EML4: variants seen among roughly 807,000 people sequenced by gnomAD.
EML4 encodes echinoderm microtubule-associated protein-like 4.
Under a neutral mutation model 129.0 loss-of-function variants are expected in EML4, and 72 were observed. That is an observed-to-expected ratio of 0.56 (90% CI 0.46 to 0.68). The LOEUF (loss-of-function observed/expected upper bound fraction) is 0.68. Ranked by LOEUF, EML4 falls within the 30% of genes least tolerant of loss-of-function variation. The pLI is 0.00. For synonymous variants in EML4, 532 were observed against 405.0 expected (o/e 1.31, Z -3.77); for missense variants, 1,363 against 1,190.6 (o/e 1.14, Z -2.13).
intron 6 of EML4, among the ~76,000 whole-genome samples, chr2:42,272,563 A>G (rs1320433447): frequency 3.9e-4 from 59 of 152,266 alleles, no homozygotes; most frequent in Non-Finnish European, 1.0e-4. Flanking sequence ...GATTACAGAC[A>G]TGAGCCACTG....
At chr2:42,234,877 C>A (rs1049773446) in intron 1 of EML4, among the ~76,000 whole-genome samples, 3 of 152,170 alleles carry the variant, frequency 2.0e-5, no homozygotes, top group African/African-American at 7.2e-5. Context: ...TTATCTAGGC[C>A]GGGCACTGTG....
At position 42,263,230 on chromosome 2, in the gene EML4, G is replaced by C. The variant is rs1665842609; in HGVS notation, c.565G>C (p.Asp189His). 6 of 1,613,236 alleles carry C rather than the reference G, an allele frequency of 3.7e-6. No individual in the cohort carries two copies. The highest frequency in any genetic ancestry group is 2.2e-5 in the East Asian group (1 of 44,776). Residue 189 changes from aspartate (D) to histidine (H), a missense_variant, in exon 5 of 23, where the codon GAT (aspartate) becomes CAT (histidine). Coordinates refer to ENST00000318522, the MANE Select transcript of EML4 (RefSeq NM_019063.5). Reference sequence around the variant, plus strand: ...GTCACATAATTCTTGGGAAAATTCAGATGATAGCCGTAATAAATTGTCGAA... The same window carrying C: ...GTCACATAATTCTTGGGAAAATTCACATGATAGCCGTAATAAATTGTCGAA... ...EKSHNSWENS[D>H]DSRNKLSKIP...
chr2:42,328,599 A>G (rs1669934193), intron 21 of EML4, among the ~76,000 whole-genome samples: 1 of 152,234 alleles, frequency 6.6e-6, no homozygotes, highest in Non-Finnish European at 1.5e-5. Context: ...AGCTGAAAGT[A>G]AAATAAATTA....
intron 1 of EML4, chr2:42,169,845 C>T (rs556433326): frequency 6.4e-6 from 3 of 469,388 alleles, no homozygotes; most frequent in Admixed American, 8.6e-5. Context: ...GTCAGACCCT[C>T]CTTTCCTCCC....
At chr2:42,294,378 C>G (rs1274292128) in intron 11 of EML4, among the ~76,000 whole-genome samples, 1 of 152,198 alleles carries the variant, frequency 6.6e-6, no homozygotes, top group African/African-American at 2.4e-5. Flanking sequence ...AAGGACATAT[C>G]TCTAAATTAG....
At chr2:42,236,084 G>A (rs1441190743) in intron 1 of EML4, among the ~76,000 whole-genome samples, 2 of 152,070 alleles carry the variant, frequency 1.3e-5, no homozygotes, top group Non-Finnish European at 2.9e-5. Flanking sequence ...ACAACCATCA[G>A]AAGTAACTAT....
chr2:42,328,964 C>A lies in EML4; in HGVS notation c.2420C>A (p.Ala807Asp). The part of the protein sequence containing the change: ...RSHNRKVIAV[A>D]DDFCKVHLFQ... ...CACAATAGAAAGGTGATAGCTGTTGCCGATGACTTTTGTAAAGTCCATCTG... is the reference window on the plus strand; with the variant it reads ...CACAATAGAAAGGTGATAGCTGTTGACGATGACTTTTGTAAAGTCCATCTG... The change falls in exon 22 of 23, where the codon GCC becomes GAC. Residue 807 changes from alanine (A) to aspartate (D), a missense_variant. Ala to Asp is a moderately radical substitution (Grantham distance 126). Coordinates refer to ENST00000318522, the MANE Select transcript of EML4 (RefSeq NM_019063.5). 1.2e-6 allele frequency: 2 copies of A among 1,613,396 alleles called. No individual in the cohort carries two copies. Among genetic ancestry groups the A allele is most frequent in the Non-Finnish European group, 1.7e-6 (2 of 1,179,840 alleles).
chr2:42,226,693 A>G (rs1474581576), intron 1 of EML4, among the ~76,000 whole-genome samples: 3 of 151,458 alleles, frequency 2.0e-5, no homozygotes, highest in African/African-American at 7.3e-5. Flanking sequence ...AATAAAATAA[A>G]TTACATACTT....
chr2:42,228,513 G>T (rs539451778), intron 1 of EML4, among the ~76,000 whole-genome samples: 1 of 152,244 alleles, frequency 6.6e-6, no homozygotes, highest in East Asian at 1.9e-4. Flanking sequence ...ATATCATTTG[G>T]AATATAGCTG....
intron 22 of EML4, among the ~76,000 whole-genome samples, chr2:42,329,521 GT>G (rs1439273456): frequency 6.6e-6 from 1 of 152,058 alleles, no homozygotes; most frequent in Non-Finnish European, 1.5e-5. Context: ...ATACAGAGAT[GT>G]CCAATTCTTC....
At position 42,321,517 on chromosome 2, in the gene EML4, A is replaced by G. The variant is rs377116622; in HGVS notation, c.2155-3950A>G. Among the ~76,000 whole-genome samples the G allele has an allele frequency of 9.2e-5, 14 of 152,254 alleles. No individual in the cohort carries two copies. In the East Asian group the frequency reaches 1.9e-3, roughly 21 times the overall value. The stretch of plus-strand genomic sequence containing the variant: ...GTATGTTGCTTCCATCCTCAACATC[A>G]TAACATGCTGCTGGAACTCCAGCCA... On this transcript the variant is annotated intron_variant, in intron 19 of 22. Coordinates refer to ENST00000318522, the MANE Select transcript of EML4 (RefSeq NM_019063.5).
intron 19 of EML4, among the ~76,000 whole-genome samples, chr2:42,322,960 C>T (rs1669596845): frequency 6.6e-6 from 1 of 152,152 alleles, no homozygotes; most frequent in African/African-American, 2.4e-5. Flanking sequence ...TTCTCCTACT[C>T]AAGAGTCCTT....
chr2:42,278,996 G>C (rs1269998785), intron 6 of EML4, among the ~76,000 whole-genome samples: 1 of 152,062 alleles, frequency 6.6e-6, no homozygotes, highest in African/African-American at 2.4e-5. Flanking sequence ...TTTAGTTTTA[G>C]ACTGTCGCAG....
intron 1 of EML4, among the ~76,000 whole-genome samples, chr2:42,171,491 CTTCT>C (rs1302669417): frequency 1.3e-5 from 2 of 152,168 alleles, no homozygotes; most frequent in African/African-American, 2.4e-5. Flanking sequence ...TAATAGCTTT[CTTCT>C]TTCTTAACCA....
At position 42,181,375 on chromosome 2, in the gene EML4, C is replaced by T. The variant is rs557596947; in HGVS notation, c.25+11739C>T. ...GTGCAGTGGTGCGATCACGGCTCAC[C>T]GCATCCTCCACCTCCCGGACTCAAG... On this transcript the variant is annotated intron_variant, in intron 1 of 22. Transcript: ENST00000318522. Among the ~76,000 whole-genome samples, 15 of 152,148 alleles carry T rather than the reference C, an allele frequency of 9.9e-5. No homozygotes were observed. The South Asian group carries it at 1.5e-3, about 15-fold the overall frequency.
intron 1 of EML4, among the ~76,000 whole-genome samples, chr2:42,202,987 C>T (rs555279988): frequency 6.6e-6 from 1 of 152,240 alleles, no homozygotes; most frequent in Non-Finnish European, 1.5e-5. Context: ...ATGATTGTAC[C>T]AGTGTACTCC....
chr2:42,248,483 A>G (rs913186323), intron 2 of EML4, among the ~76,000 whole-genome samples: 4 of 152,174 alleles, frequency 2.6e-5, no homozygotes, highest in South Asian at 2.1e-4. Context: ...TATAATTACT[A>G]TTCCCCAGGA....
intron 7 of EML4, among the ~76,000 whole-genome samples, chr2:42,282,180 A>AT (rs35217351): frequency 0.31 from 44,923 of 145,284 alleles, 6,960 homozygotes; most frequent in East Asian, 0.57. Flanking sequence ...ATATTTGGTG[A>AT]TTTTTTTTTT....
intron 17 of EML4, among the ~76,000 whole-genome samples, chr2:42,307,496 G>A (rs1668676388): frequency 6.6e-6 from 1 of 152,066 alleles, no homozygotes; most frequent in African/African-American, 2.4e-5. Context: ...GTTGATCCTT[G>A]GGGAACTTTC....
Sources: gnomAD v4.1 joint callset for allele counts (sites outside exome capture counted in the v4.1 genomes callset) on GRCh38, gnomAD v4.1.1 for gene constraint, MANE v1.5 for transcripts, NCBI Gene and HGNC (gene_info 2026-07-23, HGNC 2026-07-21) for gene names.